SGCZ: variants seen among roughly 807,000 people sequenced by gnomAD.
SGCZ encodes the protein sarcoglycan zeta, also known as zeta-sarcoglycan.
SGCZ carries 40 observed loss-of-function variants against 41.3 expected under a neutral mutation model. The observed-to-expected ratio is 0.97, with a 90% CI of 0.75 to 1.26. SGCZ has a LOEUF of 1.26. SGCZ is among the 50% of genes most tolerant of loss of function. SGCZ has a pLI of 0.00. For synonymous variants in SGCZ, 206 were observed against 137.5 expected, an observed-to-expected ratio of 1.50 and a Z score of -3.49; for missense variants, 552 against 369.8, an observed-to-expected ratio of 1.49 and a Z score of -4.04.
In SGCZ at chr8:14,574,429, T is replaced by G. The variant is rs1213506120; in HGVS notation, c.40-19503A>C. ...ACTCTAACTTTCCCCCAGCTTTCTG[T>G]GTAAGCTGGCCATAAATAAATAAAG... On this transcript the variant is annotated intron_variant, in intron 1 of 7. Coordinates refer to ENST00000382080, the MANE Select transcript of SGCZ (RefSeq NM_139167.4). 7.2e-5 allele frequency among the ~76,000 whole-genome samples: 11 copies of G among 152,064 alleles called. No homozygotes were observed. The East Asian group carries it at 1.9e-3, about 27-fold the overall frequency.
At chr8:14,147,969 G>T (rs1020837875) in intron 5 of SGCZ, among the ~76,000 whole-genome samples, 1 of 151,954 alleles carries the variant, frequency 6.6e-6, no homozygotes, top group African/African-American at 2.4e-5. Flanking sequence ...TGTCAATAAA[G>T]AAATTAAGAA....
chr8:14,595,445 T>C (rs1370435474), intron 1 of SGCZ, among the ~76,000 whole-genome samples: 1 of 99,242 alleles, frequency 1.0e-5, no homozygotes, highest in African/African-American at 3.2e-5. Context: ...ACACACACCA[T>C]GTACTGATGG....
intron 1 of SGCZ, among the ~76,000 whole-genome samples, chr8:15,093,902 C>T (rs775665400): frequency 3.3e-4 from 51 of 152,276 alleles, no homozygotes; most frequent in Admixed American, 5.2e-4. Context: ...AATCACATTA[C>T]AGTAGTTTCT....
intron 1 of SGCZ, among the ~76,000 whole-genome samples, chr8:14,701,024 T>A (rs1304147259): frequency 1.3e-5 from 2 of 151,924 alleles, no homozygotes; most frequent in African/African-American, 4.8e-5. Flanking sequence ...ATAAAATATT[T>A]TAAATTAAGT....
chr8:14,312,861 T>C (rs1160989057), intron 3 of SGCZ, among the ~76,000 whole-genome samples: 1 of 152,160 alleles, frequency 6.6e-6, no homozygotes, highest in Non-Finnish European at 1.5e-5. Flanking sequence ...CTACACAGCA[T>C]GAATCTGAAG....
intron 1 of SGCZ, among the ~76,000 whole-genome samples, chr8:14,908,867 A>T (rs760003106): frequency 2.0e-5 from 3 of 152,016 alleles, no homozygotes; most frequent in Non-Finnish European, 4.4e-5. Context: ...CTGCATTTAT[A>T]TGCGACGAAT....
chr8:14,598,452 T>C (rs1191769947), intron 1 of SGCZ, among the ~76,000 whole-genome samples: 1 of 152,050 alleles, frequency 6.6e-6, no homozygotes, highest in Non-Finnish European at 1.5e-5. Context: ...TGTGTATATA[T>C]ACATGTAGTA....
In SGCZ at chr8:14,380,970, G is replaced by GTATTCCTAATCGTTCTTAGCA. The variant is rs1339938009; in HGVS notation, c.235-56787_235-56767dup. Among the ~76,000 whole-genome samples the GTATTCCTAATCGTTCTTAGCA allele has an allele frequency of 9.9e-5, 15 of 152,218 alleles. 1 individual carries two copies. Among genetic ancestry groups the GTATTCCTAATCGTTCTTAGCA allele is most frequent in the Admixed American group, 9.8e-4 (15 of 15,304 alleles). ...GATAACCATTTTAAACACACTATGC[G>GTATTCCTAATCGTTCTTAGCA]TATTCCTAATCGTTCTTAGCATATT... On this transcript the variant is annotated intron_variant, in intron 2 of 7. Transcript: ENST00000382080.
intron 1 of SGCZ, among the ~76,000 whole-genome samples, chr8:15,036,935 A>G (rs559081615): frequency 6.6e-6 from 1 of 152,306 alleles, no homozygotes; most frequent in Admixed American, 6.5e-5. Flanking sequence ...AGAATGGAAT[A>G]ATATACGAAA....
intron 1 of SGCZ, among the ~76,000 whole-genome samples, chr8:14,590,349 A>G (rs1489281941): frequency 6.6e-6 from 1 of 151,986 alleles, no homozygotes. Flanking sequence ...AATATTTTGG[A>G]AATATCTGGA....
chr8:14,270,267 G>C (rs1224784204), intron 3 of SGCZ, among the ~76,000 whole-genome samples: 1 of 152,028 alleles, frequency 6.6e-6, no homozygotes, highest in East Asian at 1.9e-4. Flanking sequence ...GGGAGGCGGA[G>C]GTTGCAGTGA....
chr8:14,858,826 C>T lies in SGCZ; in HGVS notation c.40-303900G>A, dbSNP rs749082468. ...ATGTCCGCTTTGTTAAATGCCTAAC[C>T]GGTTTAACAAAAAACGAGTTTTATA... On this transcript the variant is annotated intron_variant, in intron 1 of 7. Transcript: ENST00000382080. 3.5e-4 allele frequency among the ~76,000 whole-genome samples: 54 copies of T among 152,114 alleles called. 1 individual carries two copies. Among genetic ancestry groups the T allele is most frequent in the South Asian group, 2.3e-3 (11 of 4,818 alleles).
chr8:14,793,749 C>A (rs1193974427), intron 1 of SGCZ, among the ~76,000 whole-genome samples: 3 of 152,102 alleles, frequency 2.0e-5, no homozygotes, highest in African/African-American at 4.8e-5. Context: ...CCTCACCATC[C>A]CCCACCTACC....
chr8:15,120,168 A>G (rs375882469), intron 1 of SGCZ, among the ~76,000 whole-genome samples: 9 of 152,144 alleles, frequency 5.9e-5, no homozygotes, highest in African/African-American at 2.2e-4. Context: ...TTTTCTAACA[A>G]TGTTTCACTG....
At chr8:14,951,296 G>A (rs1800629847) in intron 1 of SGCZ, among the ~76,000 whole-genome samples, 1 of 151,906 alleles carries the variant, frequency 6.6e-6, no homozygotes, top group Non-Finnish European at 1.5e-5. Flanking sequence ...TTAGCATTAA[G>A]AACATTCTAA....
intron 1 of SGCZ, among the ~76,000 whole-genome samples, chr8:14,649,806 G>T (rs1487714670): frequency 6.6e-6 from 1 of 152,026 alleles, no homozygotes; most frequent in Non-Finnish European, 1.5e-5. Flanking sequence ...GGAATAAATT[G>T]TACTTCCACC....
At chr8:14,274,677 CA>C (rs1800170508) in intron 3 of SGCZ, among the ~76,000 whole-genome samples, 2 of 152,222 alleles carry the variant, frequency 1.3e-5, no homozygotes, top group African/African-American at 4.8e-5. Flanking sequence ...TTTATTTAGA[CA>C]ACCTCAAATG....
intron 2 of SGCZ, among the ~76,000 whole-genome samples, chr8:14,437,527 T>C (rs895699838): frequency 5.9e-5 from 9 of 152,218 alleles, no homozygotes; most frequent in Admixed American, 4.6e-4. Context: ...AATACATTTT[T>C]CATAAAATAG....
At chr8:14,161,955 G>C (rs541363509) in intron 5 of SGCZ, among the ~76,000 whole-genome samples, 24 of 152,034 alleles carry the variant, frequency 1.6e-4, no homozygotes, top group Non-Finnish European at 3.1e-4. Flanking sequence ...GAAGAAGGGA[G>C]AGAGAGAGAA....
Sources: gnomAD v4.1 joint callset for allele counts (sites outside exome capture counted in the v4.1 genomes callset) on GRCh38, gnomAD v4.1.1 for gene constraint, MANE v1.5 for transcripts, NCBI Gene and HGNC (gene_info 2026-07-23, HGNC 2026-07-21) for gene names.